Variants in PTP4A1 observed in about 807,000 individuals in gnomAD.
The protein encoded by PTP4A1 is protein tyrosine phosphatase 4A1.
A neutral mutation model predicts 20.5 loss-of-function variants in PTP4A1; 9 were observed. The ratio of observed to expected loss-of-function variants is 0.44; its 90% CI spans 0.26 to 0.77. The LOEUF is 0.77. Among genes scored for constraint, PTP4A1 ranks in the 30% least tolerant of loss-of-function variants. The pLI is 0.19. For synonymous variants in PTP4A1, 78 were observed against 67.4 expected (o/e 1.16, Z -0.77); for missense variants, 137 against 218.8 (o/e 0.63, Z 2.36).
At chr6:63,522,747 C>G (rs1774987048) in intron 1 of PTP4A1, among the ~76,000 whole-genome samples, 1 of 152,024 alleles carries the variant, frequency 6.6e-6, no homozygotes, top group Non-Finnish European at 1.5e-5. Flanking sequence ...AGGGGAGATA[C>G]CATATTACTG....
intron 3 of PTP4A1, among the ~76,000 whole-genome samples, chr6:63,558,130 A>C (rs1488650604): frequency 6.6e-6 from 1 of 152,172 alleles, no homozygotes; most frequent in Non-Finnish European, 1.5e-5. Context: ...TCGGCCTCCC[A>C]AAGTGCTGGG....
intron 1 of PTP4A1, among the ~76,000 whole-genome samples, chr6:63,523,780 G>A (rs1324763800): frequency 6.6e-6 from 1 of 151,986 alleles, no homozygotes; most frequent in Admixed American, 6.6e-5. Context: ...TATTTCATGT[G>A]TGGCCCAGAC....
intron 3 of PTP4A1, among the ~76,000 whole-genome samples, chr6:63,559,719 T>C (rs1011334713): frequency 6.6e-6 from 1 of 151,572 alleles, no homozygotes; most frequent in Non-Finnish European, 1.5e-5. Flanking sequence ...CACTCCAGCC[T>C]GGGTGACAGA....
At chr6:63,537,852 C>A (rs536658418) in intron 2 of PTP4A1, among the ~76,000 whole-genome samples, 1 of 152,122 alleles carries the variant, frequency 6.6e-6, no homozygotes, top group African/African-American at 2.4e-5. Flanking sequence ...AAGAATCTGG[C>A]GAAAGGGCCA....
At chr6:63,543,036 T>G (rs1776046250) in intron 2 of PTP4A1, among the ~76,000 whole-genome samples, 1 of 152,154 alleles carries the variant, frequency 6.6e-6, no homozygotes, top group Non-Finnish European at 1.5e-5. Context: ...CAACATTAAT[T>G]AACATATGGC....
At chr6:63,577,052 A>G in intron 2 of PTP4A1, 67 bp downstream of exon 2, 5 of 1,277,872 alleles carry the variant, frequency 3.9e-6, no homozygotes, top group Non-Finnish European at 5.5e-6. Context: ...ATAGCTAACA[A>G]AATAAAAACT....
At chr6:63,551,914 T>C (rs1356064216) in intron 3 of PTP4A1, among the ~76,000 whole-genome samples, 1 of 152,224 alleles carries the variant, frequency 6.6e-6, no homozygotes, top group African/African-American at 2.4e-5. Context: ...GGTGTATATG[T>C]GCCACATTTT....
At chr6:63,534,986 G>A (rs184554977) in intron 2 of PTP4A1, among the ~76,000 whole-genome samples, 1 of 152,122 alleles carries the variant, frequency 6.6e-6, no homozygotes, top group East Asian at 1.9e-4. Context: ...CTTAAACCCA[G>A]GAGGCAGAGG....
At chr6:63,526,568 G>C (rs1198537457) in intron 1 of PTP4A1, among the ~76,000 whole-genome samples, 2 of 151,678 alleles carry the variant, frequency 1.3e-5, no homozygotes, top group African/African-American at 2.4e-5. Flanking sequence ...CCAGTACTTT[G>C]GGAGACCGAG....
At chr6:63,533,760 T>C (rs752477823) in intron 2 of PTP4A1, among the ~76,000 whole-genome samples, 2 of 152,076 alleles carry the variant, frequency 1.3e-5, no homozygotes, top group Non-Finnish European at 2.9e-5. Context: ...TTGAGAAATG[T>C]ATGGGGAAGT....
intron 2 of PTP4A1, among the ~76,000 whole-genome samples, chr6:63,534,545 T>C (rs1775619981): frequency 6.6e-6 from 1 of 152,048 alleles, no homozygotes; most frequent in Non-Finnish European, 1.5e-5. Flanking sequence ...CTGGGTGCAG[T>C]GGCTCAAGTC....
At chr6:63,558,379 A>G (rs1776778395) in intron 3 of PTP4A1, among the ~76,000 whole-genome samples, 1 of 152,272 alleles carries the variant, frequency 6.6e-6, no homozygotes, top group East Asian at 1.9e-4. Context: ...GAGGGGGACA[A>G]TCTCTGAGCC....
intron 3 of PTP4A1, among the ~76,000 whole-genome samples, chr6:63,554,536 AC>A (rs1776590109): frequency 6.6e-6 from 1 of 152,100 alleles, no homozygotes; most frequent in African/African-American, 2.4e-5. Flanking sequence ...GGTGGCTCAC[AC>A]CTGTAATCCC....
At chr6:63,565,309 A>T (rs747925615) in intron 3 of PTP4A1, among the ~76,000 whole-genome samples, 1 of 152,192 alleles carries the variant, frequency 6.6e-6, no homozygotes, top group African/African-American at 2.4e-5. Flanking sequence ...ATGTGAATAC[A>T]CATTCTCATT....
intron 2 of PTP4A1, among the ~76,000 whole-genome samples, chr6:63,529,101 A>G (rs902408318): frequency 1.4e-5 from 2 of 147,680 alleles, no homozygotes; most frequent in Non-Finnish European, 3.0e-5. Flanking sequence ...AAATATATAT[A>G]TGTGTGTATA....
At chr6:63,519,613 G>A (rs1774850275), upstream of PTP4A1, among the ~76,000 whole-genome samples, 1 of 152,128 alleles carries the variant, frequency 6.6e-6, no homozygotes, top group African/African-American at 2.4e-5. Flanking sequence ...CCTGTTTTGT[G>A]ACTCAATTAC....
intron 1 of PTP4A1, among the ~76,000 whole-genome samples, chr6:63,576,087 ATATAT>A (rs1298350299): frequency 1.3e-5 from 2 of 149,928 alleles, no homozygotes; most frequent in Non-Finnish European, 3.0e-5. Flanking sequence ...TCATATAATT[ATATAT>A]TATATATAGA....
rs536110631 is a variant in PTP4A1, at chr6:63,546,617, A to G, written c.-639-3683A>G. On this transcript the variant is annotated intron_variant, in intron 2 of 3. Coordinates refer to the PTP4A1 transcript ENST00000639568. The stretch of plus-strand genomic sequence containing the variant: ...GCTACTTGGGAGGCTGAGGCAGAAT[A>G]AACGCTCAAACCAGGGAGGCAGAGG... Among the ~76,000 whole-genome samples the G allele has an allele frequency of 3.3e-5, 5 of 152,298 alleles. No homozygotes were observed. The East Asian group carries it at 9.7e-4, about 29-fold the overall frequency.
chr6:63,567,540 T>C (rs1777243221), upstream of PTP4A1, among the ~76,000 whole-genome samples: 2 of 152,228 alleles, frequency 1.3e-5, no homozygotes, highest in Admixed American at 6.5e-5. Context: ...TAAACAGATG[T>C]GCTGTCAACC....
Sources: allele counts gnomAD v4.1 joint callset (sites outside exome capture counted in the v4.1 genomes callset), GRCh38; gene constraint gnomAD v4.1.1; transcripts MANE v1.5; gene names NCBI Gene and HGNC (gene_info 2026-07-23, HGNC 2026-07-21).